The following CELA2B variants were observed in gnomAD, a reference collection of about 807,000 sequenced individuals.
The protein encoded by CELA2B is chymotrypsin-like elastase family member 2B.
Under a neutral mutation model 36.5 loss-of-function variants are expected in CELA2B, and 27 were observed. The observed-to-expected ratio is 0.74, with a 90% CI of 0.55 to 1.02. CELA2B has a LOEUF of 1.02. Among genes scored for constraint, CELA2B ranks in the 50% least tolerant of loss-of-function variants. The pLI is 0.00. For synonymous variants in CELA2B, 143 were observed against 148.5 expected (o/e 0.96, Z 0.27); for missense variants, 340 against 347.8 (o/e 0.98, Z 0.18).
chr1:15,486,334 C>G (rs1451540111), intron 6 of CELA2B, among the ~76,000 whole-genome samples: 1 of 152,112 alleles, frequency 6.6e-6, no homozygotes, highest in Admixed American at 6.6e-5. Flanking sequence ...TAAAAATTAG[C>G]CAGGCATGGT....
chr1:15,482,500 T>TA (rs1708755526), intron 4 of CELA2B, 107 bp downstream of exon 4: 1 of 1,478,490 alleles, frequency 6.8e-7, no homozygotes, highest in African/African-American at 1.4e-5. Context: ...GCTTTTTCTA[T>TA]AGGGAAGAGA....
chr1:15,480,059 G>C (rs1178275028), intron 2 of CELA2B, among the ~76,000 whole-genome samples: 1 of 152,142 alleles, frequency 6.6e-6, no homozygotes, highest in African/African-American at 2.4e-5. Context: ...CATTCAAAAA[G>C]GATCAGTCTG....
At position 15,482,249 on chromosome 1, in the gene CELA2B, G is replaced by A; in HGVS notation, c.228-16G>A. ...CCTCTGGAGGTGACCCTCTCCCTGG[G>A]ACCCCTTTCTCCCAGCTCCTCCGGG... On this transcript the variant is annotated splice_polypyrimidine_tract_variant and intron_variant, in intron 3 of 7. Transcript: ENST00000375910. 1.2e-6 allele frequency: 2 copies of A among 1,613,390 alleles called. No individual in the cohort carries two copies. The highest frequency in any genetic ancestry group is 1.7e-6 in the Non-Finnish European group (2 of 1,179,612).
intron 2 of CELA2B, among the ~76,000 whole-genome samples, chr1:15,478,912 G>A (rs992432842): frequency 6.6e-6 from 1 of 152,044 alleles, no homozygotes; most frequent in Non-Finnish European, 1.5e-5. Context: ...GCCCTGCACC[G>A]TGGCTTATGT....
chr1:15,490,260 A>ATCTATC (rs1557528348), intron 7 of CELA2B, among the ~76,000 whole-genome samples: 7 of 110,398 alleles, frequency 6.3e-5, no homozygotes, highest in African/African-American at 2.0e-4. Flanking sequence ...ATCTATCTAT[A>ATCTATC]TACACACACA....
At chr1:15,481,256 G>A (rs1275329110) in intron 3 of CELA2B, 61 bp downstream of exon 3, 2 of 1,592,462 alleles carry the variant, frequency 1.3e-6, no homozygotes, top group African/African-American at 1.3e-5. Context: ...TCTGAGCTGG[G>A]GGCTCAAATG....
At chr1:15,476,205 T>C in intron 1 of CELA2B, 40 bp downstream of exon 1, 2 of 1,613,146 alleles carry the variant, frequency 1.2e-6, no homozygotes, top group Non-Finnish European at 1.7e-6. Flanking sequence ...TCCCATCCCC[T>C]GGTGGGGCTG....
intron 4 of CELA2B, 113 bp from the exon 5 acceptor site, chr1:15,483,151 G>A: frequency 1.3e-6 from 2 of 1,524,448 alleles, no homozygotes; most frequent in Non-Finnish European, 1.8e-6. Flanking sequence ...CTGCCGGTCA[G>A]AGCAACCTGG....
At chr1:15,491,070 G>A in intron 7 of CELA2B, 1 of 567,142 alleles carries the variant, frequency 1.8e-6, no homozygotes, top group East Asian at 2.9e-5. Context: ...AGGACTCCTG[G>A]CTAAGACCCC....
rs750938531 is a variant in CELA2B at position 15,487,296 on chromosome 1, T to A, written c.651T>A (p.Gly217=). ...CTGGCCTTCCTCAGGGAGACTCCGG[T>A]GGGCCGCTGAACTGTCAGGCATCTG... ...GVICTCNGDS[G]GPLNCQASDG... is the part of the protein sequence containing the mutation. Residue 217 remains glycine (G), a synonymous_variant, in exon 7 of 8, where the codon GGT becomes GGA. Coordinates refer to ENST00000375910, the MANE Select transcript of CELA2B (RefSeq NM_015849.3). 1 of 1,614,176 alleles carries A rather than the reference T, an allele frequency of 6.2e-7. No individual in the cohort carries two copies. The highest frequency in any genetic ancestry group is 8.5e-7 in the Non-Finnish European group (1 of 1,180,022).
chr1:15,489,193 A>AGCAGGG (rs1708841663), intron 7 of CELA2B, among the ~76,000 whole-genome samples: 1 of 152,222 alleles, frequency 6.6e-6, no homozygotes, highest in Admixed American at 6.5e-5. Flanking sequence ...GGGGACCTGA[A>AGCAGGG]GCAGGGGCAG....
intron 4 of CELA2B, among the ~76,000 whole-genome samples, chr1:15,482,808 T>C (rs1225097705): frequency 1.3e-5 from 2 of 152,088 alleles, no homozygotes; most frequent in Non-Finnish European, 2.9e-5. Context: ...TTTTGTGAGA[T>C]GGAGTCTCGC....
At chr1:15,489,201 C>A (rs1410895107) in intron 7 of CELA2B, among the ~76,000 whole-genome samples, 1 of 151,998 alleles carries the variant, frequency 6.6e-6, no homozygotes, top group African/African-American at 2.4e-5. Context: ...GAAGCAGGGG[C>A]AGGGGCAATT....
At chr1:15,487,559 T>G (rs990943279) in intron 7 of CELA2B, 122 bp downstream of exon 7, 3 of 1,351,178 alleles carry the variant, frequency 2.2e-6, no homozygotes, top group Non-Finnish European at 3.1e-6. Flanking sequence ...TGGGAACCCC[T>G]TGGAGGAGGC....
chr1:15,477,305 A>T (rs1708685209), intron 2 of CELA2B, among the ~76,000 whole-genome samples: 5 of 152,252 alleles, frequency 3.3e-5, no homozygotes, highest in Admixed American at 3.3e-4. Flanking sequence ...TAGTGATATT[A>T]AGACTAAACT....
At chr1:15,478,990 G>C (rs2103311387) in intron 2 of CELA2B, among the ~76,000 whole-genome samples, 1 of 152,186 alleles carries the variant, frequency 6.6e-6, no homozygotes, top group African/African-American at 2.4e-5. Flanking sequence ...CACTGGGTTA[G>C]CCCGGGGGGG....
intron 2 of CELA2B, among the ~76,000 whole-genome samples, chr1:15,479,067 G>A (rs191011563): frequency 2.0e-5 from 3 of 152,236 alleles, no homozygotes; most frequent in East Asian, 1.9e-4. Context: ...CAAATAATAC[G>A]TATTACGTGG....
chr1:15,476,619 T>C lies in CELA2B; in HGVS notation c.129+74T>C, dbSNP rs1269918386. 1.4e-5 allele frequency: 19 copies of C among 1,392,976 alleles called. No homozygotes were observed. The East Asian group carries it at 4.1e-4, about 30-fold the overall frequency. The allele number at this position is 1,392,976 out of a possible 1,614,324, so 86.3% of individuals were successfully genotyped here. On this transcript the variant is annotated intron_variant, in intron 2 of 7. Transcript: ENST00000375910. ...ACATCCCCCCTTTGCCCTTCCACCATGGCGTCTATTGTGCTGGCAAAGTTA... is the reference window on the plus strand; with the variant it reads ...ACATCCCCCCTTTGCCCTTCCACCACGGCGTCTATTGTGCTGGCAAAGTTA...
At chr1:15,490,267 C>T (rs1468954680) in intron 7 of CELA2B, among the ~76,000 whole-genome samples, 1 of 140,166 alleles carries the variant, frequency 7.1e-6, no homozygotes, top group Non-Finnish European at 1.6e-5. Flanking sequence ...TATATACACA[C>T]ACACACACAT....
Sources: allele counts gnomAD v4.1 joint callset (sites outside exome capture counted in the v4.1 genomes callset), GRCh38; gene constraint gnomAD v4.1.1; transcripts MANE v1.5; gene names NCBI Gene and HGNC (gene_info 2026-07-23, HGNC 2026-07-21).